CRYBB3: variants seen among roughly 807,000 people sequenced by gnomAD.
The protein encoded by CRYBB3 is crystallin beta B3.
Under a neutral mutation model 28.3 loss-of-function variants are expected in CRYBB3, and 35 were observed. The ratio of observed to expected loss-of-function variants is 1.24; its 90% CI spans 0.95 to 1.64. The LOEUF (loss-of-function observed/expected upper bound fraction) is 1.64. Ranked by LOEUF, CRYBB3 falls within the 40% of genes most tolerant of loss-of-function variation. The pLI, the probability that CRYBB3 is intolerant of heterozygous loss-of-function variation, is 0.00. For missense variants in CRYBB3, 296 were observed against 297.4 expected, an observed-to-expected ratio of 1.00 and a Z score of 0.04; for synonymous variants, 106 against 110.4, an observed-to-expected ratio of 0.96 and a Z score of 0.25.
intron 5 of CRYBB3, among the ~76,000 whole-genome samples, chr22:25,206,716 C>T (rs1038294772): frequency 2.0e-5 from 3 of 151,678 alleles, no homozygotes; most frequent in Non-Finnish European, 2.9e-5. Context: ...GTAATGGATG[C>T]AAGTGGAAAA....
intron 5 of CRYBB3, among the ~76,000 whole-genome samples, chr22:25,206,761 G>T (rs73409597): frequency 6.6e-6 from 1 of 152,126 alleles, no homozygotes; most frequent in East Asian, 1.9e-4. Context: ...GAGCAAGAGT[G>T]TTCCAGGCAG....
intron 5 of CRYBB3, among the ~76,000 whole-genome samples, chr22:25,206,254 C>CA (rs1935031552): frequency 6.6e-6 from 1 of 151,944 alleles, no homozygotes. Flanking sequence ...CTCTGGCCCT[C>CA]AAAAAATTTG....
chr22:25,206,332 T>A (rs1186356060), intron 5 of CRYBB3, among the ~76,000 whole-genome samples: 1 of 151,940 alleles, frequency 6.6e-6, no homozygotes, highest in Non-Finnish European at 1.5e-5. Flanking sequence ...TCACCTGAGG[T>A]CAGGAGTTCA....
At chr22:25,206,297 A>G (rs1273458365) in intron 5 of CRYBB3, among the ~76,000 whole-genome samples, 1 of 152,150 alleles carries the variant, frequency 6.6e-6, no homozygotes, top group African/African-American at 2.4e-5. Flanking sequence ...TAATCCCAGC[A>G]CTTTGGGAGG....
intron 2 of CRYBB3, among the ~76,000 whole-genome samples, chr22:25,202,320 A>AT (rs1454100520): frequency 6.6e-6 from 1 of 152,054 alleles, no homozygotes; most frequent in Non-Finnish European, 1.5e-5. Flanking sequence ...ATTAAGGAAA[A>AT]TACAGATTTC....
At chr22:25,200,956 G>T (rs1934936105) in intron 1 of CRYBB3, among the ~76,000 whole-genome samples, 2 of 152,202 alleles carry the variant, frequency 1.3e-5, no homozygotes, top group Admixed American at 1.3e-4. Flanking sequence ...AGGTGGGAGA[G>T]ACCCCTGTAG....
intron 5 of CRYBB3, among the ~76,000 whole-genome samples, chr22:25,206,838 C>T (rs750004699): frequency 6.6e-6 from 1 of 152,074 alleles, no homozygotes; most frequent in African/African-American, 2.4e-5. Context: ...AGAGAGGCCA[C>T]GGTGTTGAGT....
chr22:25,207,159 C>A lies in CRYBB3; in HGVS notation c.583C>A (p.Arg195Ser). The change falls in exon 6 of 6, where the codon CGC (arginine) becomes AGC (serine). Residue 195 changes from arginine (R) to serine (S), a missense_variant. Coordinates refer to ENST00000215855, the MANE Select transcript of CRYBB3 (RefSeq NM_004076.5). ...CAGCCAGCCGCAGCTGCAGTCTGTG[C>A]GCCGCATCCGTGACCAGAAGTGGCA... Reference protein sequence around the residue: ...DASQPQLQSVRRIRDQKWHKR... With the variant: ...DASQPQLQSVSRIRDQKWHKR... The A allele has an allele frequency of 6.2e-7, 1 of 1,613,624 alleles. No individual in the cohort carries two copies. Among genetic ancestry groups the A allele is most frequent in the East Asian group, 2.2e-5 (1 of 44,864 alleles).
At chr22:25,201,515 G>A in intron 2 of CRYBB3, 44 bp downstream of exon 2, 1 of 1,604,346 alleles carries the variant, frequency 6.2e-7, no homozygotes, top group Non-Finnish European at 8.5e-7. Flanking sequence ...CTACTCCTGG[G>A]CCTCAGGGTC....
rs753125280 is a variant in CRYBB3 at position 25,201,396 on chromosome 22, G to A, written c.-1G>A. On this transcript the variant is annotated 5_prime_UTR_variant, in exon 2 of 6. Transcript: ENST00000215855. ...TTGAAGCCAGAGGTGTTCCTGGGGA[G>A]ATGGCGGAACAGCACGGAGCACCCG... is the stretch of plus-strand genomic sequence containing the variant. The A allele has an allele frequency of 2.5e-6, 4 of 1,613,434 alleles. No homozygotes were observed. The highest frequency in any genetic ancestry group is 3.4e-6 in the Non-Finnish European group (4 of 1,179,574).
rs369487889 is a variant in CRYBB3, at chr22:25,207,089, C to T, written c.513C>T (p.Tyr171=). ...YEFPGYRGRQ[Y]VFERGEYRHW... ...TCCCCGGCTACCGTGGGCGCCAGTA[C>T]GTGTTTGAGCGGGGCGAGTACCGCC... is the stretch of plus-strand genomic sequence containing the variant. Residue 171 remains tyrosine, a synonymous_variant, in exon 6 of 6, where the codon TAC becomes TAT. Transcript: ENST00000215855. 9.9e-6 allele frequency: 16 copies of T among 1,613,370 alleles called. No homozygotes were observed. The highest frequency in any genetic ancestry group is 1.7e-5 in the Admixed American group (1 of 60,010).
intron 4 of CRYBB3, among the ~76,000 whole-genome samples, chr22:25,204,298 C>T (rs1035712379): frequency 2.0e-5 from 3 of 152,194 alleles, no homozygotes; most frequent in African/African-American, 7.2e-5. Context: ...GGGACACAGT[C>T]CACAGTGACA....
chr22:25,205,747 C>T (rs560397291), intron 5 of CRYBB3, among the ~76,000 whole-genome samples: 6 of 152,328 alleles, frequency 3.9e-5, no homozygotes, highest in Non-Finnish European at 8.8e-5. Flanking sequence ...GTGTGAGCCA[C>T]GGCGCCCGGC....
intron 3 of CRYBB3, 69 bp from the exon 4 acceptor site, chr22:25,203,694 C>T (rs1934984103): frequency 1.9e-6 from 3 of 1,587,526 alleles, no homozygotes; most frequent in Non-Finnish European, 8.6e-7. Context: ...TTGGACACTT[C>T]TCTCACTAAA....
chr22:25,207,082 G>T lies in CRYBB3; in HGVS notation c.506G>T (p.Arg169Leu), dbSNP rs374984300. ...VGYEFPGYRG[R>L]QYVFERGEYR... Reference sequence around the variant, plus strand: ...TATGAGTTCCCCGGCTACCGTGGGCGCCAGTACGTGTTTGAGCGGGGCGAG... The same window carrying T: ...TATGAGTTCCCCGGCTACCGTGGGCTCCAGTACGTGTTTGAGCGGGGCGAG... Residue 169 changes from arginine to leucine, a missense_variant, in exon 6 of 6, where the codon CGC becomes CTC. Transcript: ENST00000215855. 1 of 1,613,632 alleles carries T rather than the reference G, an allele frequency of 6.2e-7. No individual in the cohort carries two copies. The highest frequency in any genetic ancestry group is 1.7e-5 in the Admixed American group (1 of 60,034).
chr22:25,202,260 C>T (rs182846407), intron 2 of CRYBB3, among the ~76,000 whole-genome samples: 21 of 152,262 alleles, frequency 1.4e-4, no homozygotes, highest in African/African-American at 4.8e-4. Context: ...CAGAGGTCTT[C>T]CCCGAGACTG....
rs1227880507 is a variant in CRYBB3 at position 25,205,426 on chromosome 22, G to A, written c.470+64G>A. The A allele has an allele frequency of 1.1e-5, 17 of 1,578,916 alleles. No homozygotes were observed. In the African/African-American group the frequency reaches 2.2e-4, roughly 20 times the overall value. On this transcript the variant is annotated intron_variant, in intron 5 of 5. Transcript: ENST00000215855. ...TCAGCCATGCCTCTGGCTCCAAACA[G>A]AATCAGTGCCCATAGTTTCTTATTA...
At chr22:25,207,022 C>A (rs1935046214) in intron 5 of CRYBB3, 25 bp from the exon 6 acceptor site, 1 of 1,593,534 alleles carries the variant, frequency 6.3e-7, no homozygotes, top group Non-Finnish European at 8.6e-7. Context: ...AGACCGTCCA[C>A]ATCTCAACCT....
At chr22:25,205,694 C>T (rs1418398293) in intron 5 of CRYBB3, among the ~76,000 whole-genome samples, 1 of 151,854 alleles carries the variant, frequency 6.6e-6, no homozygotes, top group Non-Finnish European at 1.5e-5. Flanking sequence ...CTCCTGACCT[C>T]ATGATCTGCC....
Sources: allele counts gnomAD v4.1 joint callset (sites outside exome capture counted in the v4.1 genomes callset), GRCh38; gene constraint gnomAD v4.1.1; transcripts MANE v1.5; gene names NCBI Gene and HGNC (gene_info 2026-07-23, HGNC 2026-07-21).